TUBGCP4: variants seen among roughly 807,000 people sequenced by gnomAD.
The protein encoded by TUBGCP4 is gamma-tubulin complex component 4.
In TUBGCP4, 54 loss-of-function variants were observed where a neutral mutation model predicts 91.6. The ratio of observed to expected loss-of-function variants is 0.59; its 90% CI spans 0.47 to 0.74. The LOEUF is 0.74. Among genes scored for constraint, TUBGCP4 ranks in the 30% least tolerant of loss-of-function variants. The probability of loss-of-function intolerance (pLI) is 0.00; values close to 1 mark genes in which losing one functional copy is unlikely to be tolerated. For missense variants in TUBGCP4, 593 were observed against 800.9 expected (o/e 0.74, Z 3.13); for synonymous variants, 297 against 302.8 (o/e 0.98, Z 0.20).
intron 3 of TUBGCP4, 150 bp from the exon 4 acceptor site, chr15:43,376,864 A>G: frequency 1.1e-6 from 1 of 875,086 alleles, no homozygotes; most frequent in South Asian, 1.7e-5. Flanking sequence ...TGGCCCGAAA[A>G]TCAGGATTAA....
Position 43,383,595 on chromosome 15 carries a change from A to G in TUBGCP4, c.723+91A>G, listed in dbSNP as rs145131214. 324 of 1,106,578 alleles carry G rather than the reference A, an allele frequency of 2.9e-4. 2 individuals carry two copies. The African/African-American group carries it at 4.6e-3, about 16-fold the overall frequency. 68.5% of individuals were successfully genotyped at this position (1,106,578 alleles called of 1,614,324 possible). A position where few individuals can be genotyped will look rare whatever the true frequency, so the allele number is the denominator to read the frequency against. Reference sequence around the variant, plus strand: ...TCTTCTGGTGATCCCTTCTTAGCTCATAGCTGAGCACCTTCCATCAATCCT... The same window carrying G: ...TCTTCTGGTGATCCCTTCTTAGCTCGTAGCTGAGCACCTTCCATCAATCCT... On this transcript the variant is annotated intron_variant, in intron 7 of 17. Transcript: ENST00000564079.
At chr15:43,401,973 T>C in intron 15 of TUBGCP4, 123 bp downstream of exon 15, 1 of 1,339,702 alleles carries the variant, frequency 7.5e-7, no homozygotes, top group Admixed American at 2.4e-5. Context: ...TAAAACATTT[T>C]TTAAGAATGT....
chr15:43,407,392 A>G lies in TUBGCP4; in HGVS notation c.*2178A>G. The G allele has an allele frequency of 6.2e-7, 1 of 1,614,134 alleles. No homozygotes were observed. The highest frequency in any genetic ancestry group is 8.5e-7 in the Non-Finnish European group (1 of 1,179,962). ...GTAAGACCAAGTATCTTTAGTGAGA[A>G]ACATAATCGTGTTTATATTTTGGAT... On this transcript the variant is annotated 3_prime_UTR_variant, in exon 18 of 18. Transcript: ENST00000564079.
In TUBGCP4 at chr15:43,396,727, C is replaced by T. The variant is rs545590000; in HGVS notation, c.1172-487C>T. 2.6e-5 allele frequency among the ~76,000 whole-genome samples: 4 copies of T among 152,240 alleles called. No homozygotes were observed. In the South Asian group the frequency reaches 6.2e-4, roughly 24 times the overall value. ...GACTTGGTCTCTTTCCATCTTCTAC[C>T]TCTTTCTTCTCAGACAGGCCTGCTC... On this transcript the variant is annotated intron_variant, in intron 11 of 17. Coordinates refer to ENST00000564079, the MANE Select transcript of TUBGCP4 (RefSeq NM_014444.5).
At chr15:43,383,817 T>C (rs2044319066) in intron 7 of TUBGCP4, among the ~76,000 whole-genome samples, 1 of 152,090 alleles carries the variant, frequency 6.6e-6, no homozygotes, top group African/African-American at 2.4e-5. Context: ...GTTTTTTTTT[T>C]TAAAGACAGA....
In TUBGCP4 at chr15:43,376,427, G is replaced by T. The variant is rs762568754; in HGVS notation, c.208-76G>T. The stretch of plus-strand genomic sequence containing the variant: ...TGGTTTGTTTGTATAACTTTTAAAA[G>T]AAACAAGCCTGATAATGTCTTTCTC... On this transcript the variant is annotated intron_variant, in intron 2 of 17. Transcript: ENST00000564079. 1.9e-6 allele frequency: 3 copies of T among 1,613,356 alleles called. No homozygotes were observed. In the Admixed American group the frequency reaches 5.0e-5, roughly 27 times the overall value.
Position 43,405,249 on chromosome 15 carries a change from G to A in TUBGCP4, c.*35G>A, listed in dbSNP as rs764545329. 31 of 1,611,654 alleles carry A rather than the reference G, an allele frequency of 1.9e-5. No homozygotes were observed. The highest frequency in any genetic ancestry group is 1.5e-4 in the African/African-American group (11 of 74,864). ...GCTCATAAATTGAAATAACAGCCACGTTCCCAAGGTTGTAACAGAAGATTC... is the reference window on the plus strand; with the variant it reads ...GCTCATAAATTGAAATAACAGCCACATTCCCAAGGTTGTAACAGAAGATTC... On this transcript the variant is annotated 3_prime_UTR_variant, in exon 18 of 18. Transcript: ENST00000564079.
intron 10 of TUBGCP4, 28 bp from the exon 11 acceptor site, chr15:43,395,554 TG>T (rs1277421878): frequency 5.8e-6 from 9 of 1,560,514 alleles, no homozygotes; most frequent in Non-Finnish European, 8.0e-6. Flanking sequence ...CTTGCTTTAC[TG>T]AATTGTAAAT....
chr15:43,406,184 T>C lies in TUBGCP4; in HGVS notation c.*970T>C, dbSNP rs1399267087. On this transcript the variant is annotated 3_prime_UTR_variant, in exon 18 of 18. Transcript: ENST00000564079. Reference sequence around the variant, plus strand: ...TTACACAAACCATAGGGGTTGAAGTTATCTTAATATGGCCCAGCCATCACT... The same window carrying C: ...TTACACAAACCATAGGGGTTGAAGTCATCTTAATATGGCCCAGCCATCACT... The C allele has an allele frequency of 6.4e-6, 1 of 155,076 alleles. No homozygotes were observed. The highest frequency in any genetic ancestry group is 2.0e-4 in the South Asian group (1 of 5,076). The allele number at this position is 155,076 out of a possible 1,614,324, so 9.6% of individuals were successfully genotyped here. A position where few individuals can be genotyped will look rare whatever the true frequency, so the allele number is the denominator to read the frequency against.
Position 43,406,263 on chromosome 15 carries a change from C to A in TUBGCP4, c.*1049C>A. Reference sequence around the variant, plus strand: ...AAAAAGAAATATTCACTGAACAACGCCCTCCAAACTGAAAAAGAATGCAGT... The same window carrying A: ...AAAAAGAAATATTCACTGAACAACGACCTCCAAACTGAAAAAGAATGCAGT... On this transcript the variant is annotated 3_prime_UTR_variant, in exon 18 of 18. Coordinates refer to ENST00000564079, the MANE Select transcript of TUBGCP4 (RefSeq NM_014444.5). 5.0e-6 allele frequency: 1 copy of A among 200,454 alleles called. No individual in the cohort carries two copies. Among genetic ancestry groups the A allele is most frequent in the Non-Finnish European group, 1.0e-5 (1 of 97,482 alleles). The allele number at this position is 200,454 out of a possible 1,614,324, so 12.4% of individuals were successfully genotyped here. A position where few individuals can be genotyped will look rare whatever the true frequency, so the allele number is the denominator to read the frequency against.
intron 10 of TUBGCP4, 168 bp from the exon 11 acceptor site, chr15:43,395,415 T>C (rs2044564609): frequency 8.7e-6 from 6 of 688,198 alleles, no homozygotes; most frequent in Non-Finnish European, 1.5e-5. Flanking sequence ...CCAGTCATCC[T>C]GCTATGCGGA....
Position 43,407,678 on chromosome 15 carries a change from G to A in TUBGCP4, c.*2464G>A. ...TACATCCCACTCTGCACAAACCAAA[G>A]CCCTATTATGTCAAACACACTGCTA... On this transcript the variant is annotated 3_prime_UTR_variant, in exon 18 of 18. Transcript: ENST00000564079. 9.2e-7 allele frequency: 1 copy of A among 1,090,136 alleles called. No individual in the cohort carries two copies. The highest frequency in any genetic ancestry group is 1.3e-6 in the Non-Finnish European group (1 of 766,018). The allele number at this position is 1,090,136 out of a possible 1,614,324, so 67.5% of individuals were successfully genotyped here. A position where few individuals can be genotyped will look rare whatever the true frequency, so the allele number is the denominator to read the frequency against.
chr15:43,407,354 G>A lies in TUBGCP4; in HGVS notation c.*2140G>A. ...TTAAAACACAATCTCCACGATAGCA[G>A]GGAATAAAACCAGTAAGACCAAGTA... is the stretch of plus-strand genomic sequence containing the variant. On this transcript the variant is annotated 3_prime_UTR_variant, in exon 18 of 18. Coordinates refer to ENST00000564079, the MANE Select transcript of TUBGCP4 (RefSeq NM_014444.5). The A allele has an allele frequency of 1.2e-6, 2 of 1,601,986 alleles. No homozygotes were observed. The highest frequency in any genetic ancestry group is 1.7e-6 in the Non-Finnish European group (2 of 1,169,810).
chr15:43,377,778 A>G lies in TUBGCP4; in HGVS notation c.385-69A>G, dbSNP rs934980041. The G allele has an allele frequency of 6.4e-6, 8 of 1,246,994 alleles. No homozygotes were observed. The East Asian group carries it at 1.9e-4, about 29-fold the overall frequency. 77.2% of individuals were successfully genotyped at this position (1,246,994 alleles called of 1,614,324 possible). On this transcript the variant is annotated intron_variant, in intron 4 of 17. Coordinates refer to ENST00000564079, the MANE Select transcript of TUBGCP4 (RefSeq NM_014444.5). ...AGTTGAACTATTTAGAAACAAAAGCATTTCCCAAGTTGATTTTTTTTCCCT... is the reference window on the plus strand; with the variant it reads ...AGTTGAACTATTTAGAAACAAAAGCGTTTCCCAAGTTGATTTTTTTTCCCT...
Position 43,377,881 on chromosome 15 carries a change from T to A in TUBGCP4, c.419T>A (p.Val140Glu). The A allele has an allele frequency of 1.2e-6, 2 of 1,606,926 alleles. No homozygotes were observed. The highest frequency in any genetic ancestry group is 1.7e-6 in the Non-Finnish European group (2 of 1,178,308). Reference sequence around the variant, plus strand: ...CTTTTTCCCTCTGTGATGGTTGTAGTAGAACAAATTAAAAGTCAAAAGGTG... The same window carrying A: ...CTTTTTCCCTCTGTGATGGTTGTAGAAGAACAAATTAAAAGTCAAAAGGTG... ...QLLFPSVMVV[V>E]EQIKSQKIHG... is the part of the protein sequence containing the mutation. Residue 140 changes from valine to glutamate, a missense_variant, in exon 5 of 18, where the codon GTA becomes GAA. Transcript: ENST00000564079.
chr15:43,385,986 C>A, intron 8 of TUBGCP4, 30 bp downstream of exon 8: 1 of 1,610,522 alleles, frequency 6.2e-7, no homozygotes, highest in Non-Finnish European at 8.5e-7. Flanking sequence ...ATGTACCACA[C>A]CCTCAAAATC....
chr15:43,371,502 G>C (rs1271740227), intron 1 of TUBGCP4, 70 bp downstream of exon 1: 43 of 1,499,290 alleles, frequency 2.9e-5, no homozygotes, highest in Non-Finnish European at 3.9e-5. Flanking sequence ...GCCTGGGGGA[G>C]TAGGCTGAGG....
chr15:43,401,384 G>A (rs1411124024), intron 14 of TUBGCP4, among the ~76,000 whole-genome samples: 1 of 151,150 alleles, frequency 6.6e-6, no homozygotes, highest in Non-Finnish European at 1.5e-5. Flanking sequence ...CCTGGTATGT[G>A]GAAGTTGCAG....
rs768358828 is a variant in TUBGCP4 at position 43,405,948 on chromosome 15, G to A, written c.*734G>A. On this transcript the variant is annotated 3_prime_UTR_variant, in exon 18 of 18. Transcript: ENST00000564079. Reference sequence around the variant, plus strand: ...CCAGCTACTCAGGAGGCTGAGACAGGAGAATTGCTTGAACCTGGGAAGCAG... The same window carrying A: ...CCAGCTACTCAGGAGGCTGAGACAGAAGAATTGCTTGAACCTGGGAAGCAG... The A allele has an allele frequency of 6.7e-5, 10 of 148,828 alleles. No individual in the cohort carries two copies. The highest frequency in any genetic ancestry group is 1.5e-4 in the Non-Finnish European group (10 of 67,744). The allele number at this position is 148,828 out of a possible 1,614,324, so 9.2% of individuals were successfully genotyped here. A position where few individuals can be genotyped will look rare whatever the true frequency, so the allele number is the denominator to read the frequency against.
Sources: gnomAD v4.1 joint callset for allele counts (sites outside exome capture counted in the v4.1 genomes callset) on GRCh38, gnomAD v4.1.1 for gene constraint, MANE v1.5 for transcripts, NCBI Gene and HGNC (gene_info 2026-07-23, HGNC 2026-07-21) for gene names.